Variants in ANLN observed in about 807,000 individuals in gnomAD.
ANLN encodes the protein anillin.
A neutral mutation model predicts 135.1 loss-of-function variants in ANLN; 59 were observed. That is an observed-to-expected ratio of 0.44 (90% CI 0.35 to 0.54). The LOEUF is 0.54. Among genes scored for constraint, ANLN ranks in the 20% least tolerant of loss-of-function variants. The pLI is 0.00. For synonymous variants in ANLN, 406 were observed against 456.4 expected (o/e 0.89, Z 1.41); for missense variants, 1,182 against 1,340.0 (o/e 0.88, Z 1.84).
Position 36,415,823 on chromosome 7 carries a change from A to T in ANLN, c.1461A>T (p.Pro487=). 1 of 1,610,932 alleles carries T rather than the reference A, an allele frequency of 6.2e-7. No individual in the cohort carries two copies. The highest frequency in any genetic ancestry group is 8.5e-7 in the Non-Finnish European group (1 of 1,178,892). Residue 487 remains proline (P), a synonymous_variant, in exon 8 of 24, where the codon CCA becomes CCT. Coordinates refer to ENST00000265748, the MANE Select transcript of ANLN (RefSeq NM_018685.5). ...GTGTTTCAAAAACTCAGTCACTTCCAGTAACAGAAAAGGTGACCGAAAACC... is the reference window on the plus strand; with the variant it reads ...GTGTTTCAAAAACTCAGTCACTTCCTGTAACAGAAAAGGTGACCGAAAACC... ...HQGVSKTQSL[P]VTEKVTENQI... is the part of the protein sequence containing the mutation.
At chr7:36,399,534 G>A (rs959414333) in intron 3 of ANLN, 141 bp downstream of exon 3, 2 of 785,622 alleles carry the variant, frequency 2.5e-6, no homozygotes, top group African/African-American at 1.8e-5. Flanking sequence ...GCTTGCATAT[G>A]GTTTGTCTAC....
At chr7:36,397,919 A>T (rs1213146742) in intron 2 of ANLN, among the ~76,000 whole-genome samples, 1 of 152,050 alleles carries the variant, frequency 6.6e-6, no homozygotes, top group African/African-American at 2.4e-5. Context: ...TCAAAAAAAG[A>T]AAAAAAGAGA....
At chr7:36,415,251 T>C (rs1299684302) in intron 7 of ANLN, among the ~76,000 whole-genome samples, 2 of 152,194 alleles carry the variant, frequency 1.3e-5, no homozygotes, top group African/African-American at 4.8e-5. Context: ...TTGTCCTTGT[T>C]TTCTCTTGCT....
chr7:36,417,766 C>T (rs2116642626), intron 9 of ANLN, among the ~76,000 whole-genome samples: 1 of 151,624 alleles, frequency 6.6e-6, no homozygotes, highest in Non-Finnish European at 1.5e-5. Flanking sequence ...CAACCTCCAC[C>T]TCCCAGGTTC....
At position 36,419,358 on chromosome 7, in the gene ANLN, G is replaced by A. The variant is rs774150498; in HGVS notation, c.1748G>A (p.Ser583Asn). 1 of 1,614,128 alleles carries A rather than the reference G, an allele frequency of 6.2e-7. No individual in the cohort carries two copies. The highest frequency in any genetic ancestry group is 1.1e-5 in the South Asian group (1 of 91,078). Residue 583 changes from serine to asparagine, a missense_variant, in exon 10 of 24, where the codon AGC (serine) becomes AAC (asparagine). By Grantham distance (46) the Ser-to-Asn change is conservative. Around this residue, in one of 3 missense-constraint regions of ANLN, gnomAD observed 1,022 missense variants for 1,134.0 expected, o/e 0.90. Transcript: ENST00000265748. ...LEEGELDMEK[S>N]QEEMDQALAE... ...GAAGGTGAACTAGATATGGAGAAGAGCCAAGAGGAGATGGATCAAGCATTA... is the reference window on the plus strand; with the variant it reads ...GAAGGTGAACTAGATATGGAGAAGAACCAAGAGGAGATGGATCAAGCATTA...
intron 21 of ANLN, 51 bp downstream of exon 21, chr7:36,439,341 A>G (rs1205309081): frequency 9.5e-7 from 1 of 1,051,058 alleles, no homozygotes; most frequent in Non-Finnish European, 1.4e-6. Context: ...TTTGTGAAAT[A>G]CAGACTTGTT....
chr7:36,416,986 T>G, intron 8 of ANLN, 94 bp from the exon 9 acceptor site: 1 of 687,760 alleles, frequency 1.5e-6, no homozygotes. Flanking sequence ...TACATAGTTT[T>G]ATAATCAGAA....
Position 36,439,304 on chromosome 7 carries a change from C to T in ANLN, c.2970+14C>T. The T allele has an allele frequency of 7.1e-7, 1 of 1,412,506 alleles. No individual in the cohort carries two copies. The highest frequency in any genetic ancestry group is 9.8e-7 in the Non-Finnish European group (1 of 1,019,086). 87.5% of individuals were successfully genotyped at this position (1,412,506 alleles called of 1,614,324 possible). A position where few individuals can be genotyped will look rare whatever the true frequency, so the allele number is the denominator to read the frequency against. On this transcript the variant is annotated intron_variant, in intron 21 of 23. Transcript: ENST00000265748. ...AGAGGTTTTCTAGTAAGTAACATCA[C>T]TTAGTCTTTAACTTCCTTTTTTCCA...
At position 36,422,660 on chromosome 7, in the gene ANLN, A is replaced by G; in HGVS notation, c.2327A>G (p.Glu776Gly). Residue 776 changes from glutamate (E) to glycine (G), a missense_variant, in exon 14 of 24, where the codon GAA becomes GGA. Physicochemically the swap from Glu to Gly is moderately conservative, Grantham distance 98. Transcript: ENST00000265748. ...ATGKRTLLID[E>G]LNKLKNEGPQ... ...GGGAAGAGAACACTTTTGATTGATG[A>G]ATTGAATAAATTGAAGAACGAAGGA... 6.2e-7 allele frequency: 1 copy of G among 1,608,434 alleles called. No individual in the cohort carries two copies. Among genetic ancestry groups the G allele is most frequent in the Non-Finnish European group, 8.5e-7 (1 of 1,178,528 alleles).
chr7:36,415,812 C>T lies in ANLN; in HGVS notation c.1450C>T (p.Gln484Ter). ...LKKHQGVSKT[Q>*]SLPVTEKVTE... ...AAAACACCAAGGTGTTTCAAAAACT[C>T]AGTCACTTCCAGTAACAGAAAAGGT... is the stretch of plus-strand genomic sequence containing the variant. The change falls in exon 8 of 24, where the codon CAG (glutamine) becomes TAG (stop). Residue 484 changes from glutamine (Q) to a stop codon, truncating the protein, a stop_gained. Transcript: ENST00000265748. LOFTEE classifies it high-confidence loss of function. 1 of 1,610,508 alleles carries T rather than the reference C, an allele frequency of 6.2e-7. No individual in the cohort carries two copies. The highest frequency in any genetic ancestry group is 8.5e-7 in the Non-Finnish European group (1 of 1,178,780).
At chr7:36,440,139 G>A (rs1178932011) in intron 21 of ANLN, among the ~76,000 whole-genome samples, 1 of 152,178 alleles carries the variant, frequency 6.6e-6, no homozygotes, top group Non-Finnish European at 1.5e-5. Context: ...GCTCAAGACA[G>A]ACATTTAGTA....
Position 36,439,200 on chromosome 7 carries a change from G to T in ANLN, c.2884-4G>T. ...TGCAAATAATTTACCTGTTTTCTTT[G>T]CAGGTCCCCTTTTTATCTTCTTTGG... On this transcript the variant is annotated splice_region_variant and splice_polypyrimidine_tract_variant and intron_variant, in intron 20 of 23. Coordinates refer to ENST00000265748, the MANE Select transcript of ANLN (RefSeq NM_018685.5). The T allele has an allele frequency of 1.3e-6, 2 of 1,539,902 alleles. No homozygotes were observed. Among genetic ancestry groups the T allele is most frequent in the Non-Finnish European group, 1.8e-6 (2 of 1,122,990 alleles).
chr7:36,445,029 C>G (rs958625873), intron 22 of ANLN, among the ~76,000 whole-genome samples: 2 of 151,974 alleles, frequency 1.3e-5, no homozygotes, highest in African/African-American at 2.4e-5. Context: ...ATGTAATTCT[C>G]TCTCCCGCAG....
intron 23 of ANLN, among the ~76,000 whole-genome samples, chr7:36,451,586 G>A (rs914837330): frequency 2.0e-5 from 3 of 152,206 alleles, no homozygotes; most frequent in Non-Finnish European, 4.4e-5. Flanking sequence ...AGATGAATGA[G>A]TAAACACACT....
rs371607982 is a variant in ANLN, at chr7:36,426,983, A to G, written c.2838A>G (p.Thr946=). ...ACTTCGCCCTTGTTGGATCTTACACATTATCATTGTCTTCAGTAGGAAATA... is the reference window on the plus strand; with the variant it reads ...ACTTCGCCCTTGTTGGATCTTACACGTTATCATTGTCTTCAGTAGGAAATA... ...TSNFALVGSY[T]LSLSSVGNTK... Residue 946 remains threonine, a synonymous_variant, in exon 20 of 24, where the codon ACA becomes ACG. Coordinates refer to ENST00000265748, the MANE Select transcript of ANLN (RefSeq NM_018685.5). 1.2e-6 allele frequency: 2 copies of G among 1,613,276 alleles called. No homozygotes were observed. Among genetic ancestry groups the G allele is most frequent in the Middle Eastern group, 1.6e-4 (1 of 6,062 alleles).
chr7:36,411,250 C>G, intron 7 of ANLN, 84 bp downstream of exon 7: 1 of 1,076,874 alleles, frequency 9.3e-7, no homozygotes. Flanking sequence ...GCAAATAATT[C>G]TTTACACATT....
rs1397704315 is a variant in ANLN, at chr7:36,411,073, A to G, written c.1302A>G (p.Glu434=). Residue 434 remains glutamate, a synonymous_variant, in exon 7 of 24, where the codon GAA becomes GAG. Coordinates refer to ENST00000265748, the MANE Select transcript of ANLN (RefSeq NM_018685.5). ...GATGGGTTTAGGAACGTCAAAAAGA[A>G]CTAGCATGTCTTCGTGGCCGATTTG... The part of the protein sequence containing the change: ...AQQLKQERQK[E]LACLRGRFDK... 1 of 1,607,010 alleles carries G rather than the reference A, an allele frequency of 6.2e-7. No individual in the cohort carries two copies. The highest frequency in any genetic ancestry group is 8.5e-7 in the Non-Finnish European group (1 of 1,178,578).
At chr7:36,396,836 T>C (rs922054403) in intron 2 of ANLN, among the ~76,000 whole-genome samples, 3 of 152,166 alleles carry the variant, frequency 2.0e-5, no homozygotes, top group African/African-American at 7.2e-5. Flanking sequence ...CTGCCCATGC[T>C]TGACATTTAA....
intron 7 of ANLN, 103 bp from the exon 8 acceptor site, chr7:36,415,655 T>C (rs1787607686): frequency 3.1e-6 from 4 of 1,282,586 alleles, no homozygotes; most frequent in African/African-American, 1.5e-5. Flanking sequence ...AGGAAACTTA[T>C]ACAGAATAAT....
Sources: allele counts gnomAD v4.1 joint callset (sites outside exome capture counted in the v4.1 genomes callset), GRCh38; gene constraint gnomAD v4.1.1; regional missense constraint gnomAD v4.1.1; transcripts MANE v1.5; gene names NCBI Gene and HGNC (gene_info 2026-07-23, HGNC 2026-07-21).